The following ACVR2A variants were observed in gnomAD, a reference collection of about 807,000 sequenced individuals.
The protein encoded by ACVR2A is activin A receptor type 2A, also known as activin receptor type-2A.
In ACVR2A, 7 loss-of-function variants were observed where a neutral mutation model predicts 61.4. The observed-to-expected ratio is 0.11, with a 90% CI of 0.06 to 0.21. The LOEUF (loss-of-function observed/expected upper bound fraction) is 0.21, where lower values mean the gene tolerates loss of function less well. ACVR2A is among the 10% of genes least tolerant of loss of function. The probability of loss-of-function intolerance (pLI) is 1.00; values close to 1 mark genes in which losing one functional copy is unlikely to be tolerated. For synonymous variants in ACVR2A, 193 were observed against 208.3 expected (o/e 0.93, Z 0.63); for missense variants, 322 against 621.7 (o/e 0.52, Z 5.13).
chr2:147,917,325 C>T lies in ACVR2A; in HGVS notation c.715C>T (p.Pro239Ser). The change falls in exon 6 of 11, where the codon CCT becomes TCT. Residue 239 changes from proline to serine, a missense_variant. Around this residue, in one of 3 missense-constraint regions of ACVR2A, gnomAD observed 146 missense variants for 383.8 expected, o/e 0.38. Coordinates refer to ENST00000241416, the MANE Select transcript of ACVR2A (RefSeq NM_001616.5). ...AAATGAATACGAAGTCTACAGTTTG[C>T]CTGGAATGAAGCATGAGAACATATT... is the stretch of plus-strand genomic sequence containing the variant. ...WQNEYEVYSL[P>S]GMKHENILQF... 6.2e-7 allele frequency: 1 copy of T among 1,612,056 alleles called. No individual in the cohort carries two copies. Among genetic ancestry groups the T allele is most frequent in the African/African-American group, 1.3e-5 (1 of 74,878 alleles).
At chr2:147,852,453 T>G (rs770588241) in intron 1 of ACVR2A, among the ~76,000 whole-genome samples, 4 of 152,092 alleles carry the variant, frequency 2.6e-5, no homozygotes, top group Non-Finnish European at 5.9e-5. Context: ...TTCAGTACTC[T>G]CTTAGTGGAA....
intron 1 of ACVR2A, among the ~76,000 whole-genome samples, chr2:147,887,402 G>C (rs1484865497): frequency 6.6e-6 from 1 of 152,102 alleles, no homozygotes; most frequent in Non-Finnish European, 1.5e-5. Context: ...TTCAAGAATT[G>C]TGCTAGATAT....
chr2:147,883,533 A>C (rs981613919), intron 1 of ACVR2A, among the ~76,000 whole-genome samples: 2 of 152,204 alleles, frequency 1.3e-5, no homozygotes, highest in Non-Finnish European at 2.9e-5. Context: ...AATACACAAA[A>C]GTAATAAACA....
At chr2:147,846,599 T>C (rs1164909353) in intron 1 of ACVR2A, among the ~76,000 whole-genome samples, 1 of 152,158 alleles carries the variant, frequency 6.6e-6, no homozygotes, top group African/African-American at 2.4e-5. Context: ...ACCAAAAGAA[T>C]CATGTCTGTT....
intron 4 of ACVR2A, 93 bp from the exon 5 acceptor site, chr2:147,915,094 CAGTT>C (rs928594167): frequency 9.0e-7 from 1 of 1,116,664 alleles, no homozygotes; most frequent in Non-Finnish European, 1.3e-6. Flanking sequence ...CTGTTTCTGT[CAGTT>C]GACTTTTCAG....
At chr2:147,882,655 T>C (rs963562304) in intron 1 of ACVR2A, among the ~76,000 whole-genome samples, 5 of 152,224 alleles carry the variant, frequency 3.3e-5, no homozygotes, top group African/African-American at 1.2e-4. Flanking sequence ...GCACATTGTC[T>C]AGTGCCACAA....
intron 1 of ACVR2A, among the ~76,000 whole-genome samples, chr2:147,847,336 C>A (rs959653025): frequency 6.6e-6 from 1 of 151,832 alleles, no homozygotes; most frequent in Non-Finnish European, 1.5e-5. Context: ...TTTTTAAAAG[C>A]CTTTTGTTAT....
At chr2:147,865,149 A>G (rs562129693) in intron 1 of ACVR2A, among the ~76,000 whole-genome samples, 4 of 152,264 alleles carry the variant, frequency 2.6e-5, no homozygotes, top group South Asian at 4.2e-4. Context: ...TAAAACCACC[A>G]CGAGGATAGG....
At chr2:147,918,342 C>T in intron 6 of ACVR2A, 105 bp from the exon 7 acceptor site, 1 of 940,914 alleles carries the variant, frequency 1.1e-6, no homozygotes, top group Non-Finnish European at 1.5e-6. Flanking sequence ...TATTATTTTT[C>T]CCTGAAAGGG....
At chr2:147,864,434 C>T (rs1685803886) in intron 1 of ACVR2A, among the ~76,000 whole-genome samples, 1 of 151,978 alleles carries the variant, frequency 6.6e-6, no homozygotes, top group South Asian at 2.1e-4. Context: ...GTTTCACCAT[C>T]TTGGCCAAGC....
chr2:147,900,457 T>C (rs1437556092), intron 4 of ACVR2A: 1 of 152,308 alleles, frequency 6.6e-6, no homozygotes, highest in African/African-American at 2.4e-5. Context: ...TCAAGTATTT[T>C]TTTTGGTTGC....
chr2:147,909,023 A>G (rs1687055671), intron 4 of ACVR2A, among the ~76,000 whole-genome samples: 2 of 152,186 alleles, frequency 1.3e-5, no homozygotes, highest in Admixed American at 6.5e-5. Flanking sequence ...TATGTCTCCA[A>G]GCACTTACCA....
intron 1 of ACVR2A, among the ~76,000 whole-genome samples, chr2:147,870,023 T>C: frequency 7.1e-6 from 1 of 141,500 alleles, no homozygotes; most frequent in East Asian, 2.1e-4. Context: ...GAAAGGTGTT[T>C]GGGGCTGTAT....
intron 9 of ACVR2A, among the ~76,000 whole-genome samples, chr2:147,924,273 C>T (rs1399165857): frequency 5.9e-5 from 9 of 151,976 alleles, no homozygotes; most frequent in Admixed American, 2.6e-4. Context: ...CTCTCCATAA[C>T]AAATCATTGG....
intron 1 of ACVR2A, among the ~76,000 whole-genome samples, chr2:147,855,144 T>A (rs539214983): frequency 6.6e-5 from 10 of 152,308 alleles, no homozygotes; most frequent in African/African-American, 2.4e-4. Context: ...CCTCCCAAAG[T>A]GCTGGGATTA....
intron 5 of ACVR2A, 83 bp from the exon 6 acceptor site, chr2:147,917,200 G>T: frequency 3.7e-6 from 5 of 1,354,528 alleles, no homozygotes; most frequent in South Asian, 3.4e-5. Context: ...TTTTACTTTG[G>T]AACTTATTTG....
chr2:147,886,914 C>A lies in ACVR2A; in HGVS notation c.56-9387C>A, dbSNP rs534372117. On this transcript the variant is annotated intron_variant, in intron 1 of 10. Transcript: ENST00000241416. ...CACATTCTAAGCAACTATAACTGTA[C>A]TGTACAAGAAGACAAGGCTGAGTGC... Among the ~76,000 whole-genome samples, 4 of 151,962 alleles carry A rather than the reference C, an allele frequency of 2.6e-5. No homozygotes were observed. In the South Asian group the frequency reaches 8.3e-4, roughly 32 times the overall value.
At position 147,852,942 on chromosome 2, in the gene ACVR2A, CA is replaced by C. The variant is rs1355403321; in HGVS notation, c.55+7736del. On this transcript the variant is annotated intron_variant, in intron 1 of 10. Transcript: ENST00000241416. ...ATTGCTTGAAGAAGTAGGACAATCT[CA>C]GGGGGTTAACCCTTAAATTCAAATG... Among the ~76,000 whole-genome samples, 14 of 152,160 alleles carry C rather than the reference CA, an allele frequency of 9.2e-5. No individual in the cohort carries two copies. The South Asian group carries it at 1.2e-3, about 14-fold the overall frequency.
At chr2:147,886,521 A>G (rs1686435863) in intron 1 of ACVR2A, among the ~76,000 whole-genome samples, 1 of 152,202 alleles carries the variant, frequency 6.6e-6, no homozygotes, top group Non-Finnish European at 1.5e-5. Context: ...TTGCATACAT[A>G]GGAGAATTGT....
Sources: gnomAD v4.1 joint callset for allele counts (sites outside exome capture counted in the v4.1 genomes callset) on GRCh38, gnomAD v4.1.1 for gene constraint, gnomAD v4.1.1 regional missense constraint, MANE v1.5 for transcripts, NCBI Gene and HGNC (gene_info 2026-07-23, HGNC 2026-07-21) for gene names.